Variants in POU2F2 observed in about 807,000 individuals in gnomAD.
The protein encoded by POU2F2 is POU class 2 homeobox 2.
POU2F2 carries 14 observed loss-of-function variants against 63.5 expected under a neutral mutation model. The ratio of observed to expected loss-of-function variants is 0.22; its 90% CI spans 0.15 to 0.34. The LOEUF (loss-of-function observed/expected upper bound fraction) is 0.34. POU2F2 is among the 10% of genes least tolerant of loss of function. The pLI, the probability that POU2F2 is intolerant of heterozygous loss-of-function variation, is 1.00. For synonymous variants in POU2F2, 306 were observed against 348.6 expected (o/e 0.88, Z 1.36); for missense variants, 607 against 815.2 (o/e 0.74, Z 3.11).
chr19:42,171,339 AG>A (rs2034761485), intron 1 of POU2F2, among the ~76,000 whole-genome samples: 1 of 151,754 alleles, frequency 6.6e-6, no homozygotes, highest in Non-Finnish European at 1.5e-5. Flanking sequence ...TGTGTGAATA[AG>A]GGGATAGGAA....
intron 2 of POU2F2, among the ~76,000 whole-genome samples, chr19:42,142,536 G>A (rs1235073146): frequency 6.7e-6 from 1 of 149,676 alleles, no homozygotes. Context: ...TTTGGTGGGG[G>A]TTTGGGGTTT....
chr19:42,141,229 GGCCTGCATTTAGCTGA>G (rs1172559324), intron 2 of POU2F2, among the ~76,000 whole-genome samples: 1 of 152,188 alleles, frequency 6.6e-6, no homozygotes, highest in Admixed American at 6.5e-5. Context: ...CCCAGCACTG[GGCCTGCATTTAGCTGA>G]GGCTCCAGGA....
intron 1 of POU2F2, among the ~76,000 whole-genome samples, chr19:42,182,722 AG>A (rs1337210674): frequency 6.6e-6 from 1 of 152,158 alleles, no homozygotes; most frequent in African/African-American, 2.4e-5. Flanking sequence ...GCCCAGAGAC[AG>A]GGACCCGGAG....
chr19:42,095,728 G>A lies in POU2F2; in HGVS notation c.872-35C>T, dbSNP rs780230677. 2 of 1,611,984 alleles carry A rather than the reference G, an allele frequency of 1.2e-6. No homozygotes were observed. Among genetic ancestry groups the A allele is most frequent in the Admixed American group, 3.3e-5 (2 of 59,980 alleles). ...GGGGGAGACGTGAGCATGAGAAGGGGCCTCCCGCGGCCAGCGGCCACTGCC... is the reference window on the plus strand; with the variant it reads ...GGGGGAGACGTGAGCATGAGAAGGGACCTCCCGCGGCCAGCGGCCACTGCC... On this transcript the variant is annotated intron_variant, in intron 9 of 14. Transcript: ENST00000692977. This position sits in a 1 kb window ranked among gnomAD's most constrained non-coding sequence, Gnocchi z 7.1.
intron 2 of POU2F2, chr19:42,157,225 C>T (rs1399426265): frequency 1.3e-5 from 2 of 152,358 alleles, no homozygotes; most frequent in Non-Finnish European, 2.9e-5. Flanking sequence ...CCCATCCACT[C>T]GAAATGTAAC....
chr19:42,197,865 T>C (rs1476460335), upstream of POU2F2, among the ~76,000 whole-genome samples: 2 of 152,058 alleles, frequency 1.3e-5, no homozygotes, highest in Non-Finnish European at 2.9e-5. Context: ...CTGGCCCACC[T>C]CACTGAACAA....
intron 1 of POU2F2, among the ~76,000 whole-genome samples, chr19:42,125,181 A>C (rs1026835238): frequency 1.3e-5 from 2 of 152,080 alleles, no homozygotes; most frequent in Non-Finnish European, 2.9e-5. Flanking sequence ...AACATAGTGA[A>C]ATCCCCGTCT....
intron 5 of POU2F2, among the ~76,000 whole-genome samples, chr19:42,112,444 A>G (rs1182205396): frequency 6.6e-6 from 1 of 152,142 alleles, no homozygotes; most frequent in Non-Finnish European, 1.5e-5. Context: ...ATCTTGGCTC[A>G]CTGCAGCCTC....
At chr19:42,093,114 G>A (rs2076794542) in intron 12 of POU2F2, among the ~76,000 whole-genome samples, 1 of 147,222 alleles carries the variant, frequency 6.8e-6, no homozygotes, top group Non-Finnish European at 1.5e-5. Context: ...GGATTCAAGT[G>A]ATTCTCCTGC....
At position 42,096,524 on chromosome 19, in the gene POU2F2, C is replaced by T. The variant is rs2076929042; in HGVS notation, c.568-281G>A. Among the ~76,000 whole-genome samples the T allele has an allele frequency of 6.6e-6, 1 of 152,228 alleles. No individual in the cohort carries two copies. Among genetic ancestry groups the T allele is most frequent in the African/African-American group, 2.4e-5 (1 of 41,452 alleles). On this transcript the variant is annotated intron_variant, in intron 7 of 14. Transcript: ENST00000692977. The surrounding 1 kb of genome is among the most constrained non-coding windows in gnomAD (Gnocchi z 4.1). ...CACGCCTGCGAACTCCCAGAAGGAG[C>T]AGCCAGCTTTTTGTGCCAGGGCTCT...
intron 14 of POU2F2, 40 bp downstream of exon 14, chr19:42,091,827 A>T: frequency 6.5e-7 from 1 of 1,540,278 alleles, no homozygotes; most frequent in Non-Finnish European, 8.7e-7. Context: ...CCCAGAGGAT[A>T]GGGCTGGTGA....
intron 1 of POU2F2, among the ~76,000 whole-genome samples, chr19:42,170,557 C>G (rs2034742480): frequency 6.6e-6 from 1 of 152,194 alleles, no homozygotes. Flanking sequence ...TCCCTGAACA[C>G]TTTGTGGGTG....
chr19:42,109,057 G>A (rs1219180810), intron 5 of POU2F2, among the ~76,000 whole-genome samples: 5 of 152,244 alleles, frequency 3.3e-5, no homozygotes, highest in African/African-American at 1.2e-4. Context: ...ATGACTGGGG[G>A]CAGAAAGGTT....
rs2034378487 is a variant in POU2F2 at position 42,152,706 on chromosome 19, G to C, written c.-9+7626C>G. 1 of 152,430 alleles carries C rather than the reference G, an allele frequency of 6.6e-6. No homozygotes were observed. The highest frequency in any genetic ancestry group is 1.5e-5 in the Non-Finnish European group (1 of 68,190). The allele number at this position is 152,430 out of a possible 1,614,324, so 9.4% of individuals were successfully genotyped here. A position where few individuals can be genotyped will look rare whatever the true frequency, so the allele number is the denominator to read the frequency against. ...GAGAGCTTGGACAGCCGGGAGAGGG[G>C]GTGAGTATGGGAGTGGGCAAGGAAG... is the stretch of plus-strand genomic sequence containing the variant. On this transcript the variant is annotated intron_variant, in intron 2 of 6. Transcript: ENST00000524801. The surrounding 1 kb of genome is among the most constrained non-coding windows in gnomAD (Gnocchi z 4.1).
chr19:42,108,758 G>C (rs1360185223), intron 5 of POU2F2, among the ~76,000 whole-genome samples: 1 of 152,294 alleles, frequency 6.6e-6, no homozygotes, highest in East Asian at 1.9e-4. Flanking sequence ...GAGCACACCA[G>C]TCAGAGGGTG....
intron 1 of POU2F2, among the ~76,000 whole-genome samples, chr19:42,170,160 G>C (rs1322631105): frequency 1.3e-5 from 2 of 152,142 alleles, no homozygotes. Context: ...CCCCCCTCCA[G>C]AGGTCTGATG....
At chr19:42,138,590 G>A (rs1568410151) in intron 2 of POU2F2, among the ~76,000 whole-genome samples, 3 of 152,138 alleles carry the variant, frequency 2.0e-5, no homozygotes, top group African/African-American at 7.2e-5. Context: ...GGGACCGGCT[G>A]GTAGCATGGA....
chr19:42,134,994 AG>A (rs35656563), upstream of POU2F2, among the ~76,000 whole-genome samples: 1 of 151,726 alleles, frequency 6.6e-6, no homozygotes, highest in Non-Finnish European at 1.5e-5. Context: ...TTCACCCCTC[AG>A]GGCCCCCCAG....
Position 42,095,755 on chromosome 19 carries a change from G to GC in POU2F2, c.871+32dup, listed in dbSNP as rs767666132. 4 of 1,613,282 alleles carry GC rather than the reference G, an allele frequency of 2.5e-6. No homozygotes were observed. In the African/African-American group the frequency reaches 5.3e-5, roughly 22 times the overall value. On this transcript the variant is annotated intron_variant, in intron 9 of 14. Coordinates refer to ENST00000692977, the MANE Select transcript of POU2F2 (RefSeq NM_001394376.1). The surrounding 1 kb of genome is among the most constrained non-coding windows in gnomAD (Gnocchi z 7.1). The stretch of plus-strand genomic sequence containing the variant: ...CTCCCGCGGCCAGCGGCCACTGCCC[G>GC]CCCCCTACGCGGGAACCCCAGCCTG...
Sources: gnomAD v4.1 joint callset for allele counts (sites outside exome capture counted in the v4.1 genomes callset) on GRCh38, gnomAD v4.1.1 for gene constraint, Gnocchi (gnomAD v3.1) non-coding constraint, MANE v1.5 for transcripts, NCBI Gene and HGNC (gene_info 2026-07-23, HGNC 2026-07-21) for gene names.